Variants in MAP3K1 observed in about 807,000 individuals in gnomAD.
MAP3K1 encodes mitogen-activated protein kinase kinase kinase 1.
In MAP3K1, 36 loss-of-function variants were observed where a neutral mutation model predicts 144.2. The ratio of observed to expected loss-of-function variants is 0.25; its 90% confidence interval spans 0.19 to 0.33. MAP3K1 has a LOEUF of 0.33. Ranked by LOEUF, MAP3K1 falls within the 10% of genes least tolerant of loss-of-function variation. MAP3K1 has a pLI of 1.00. For synonymous variants in MAP3K1, 718 were observed against 688.7 expected, an observed-to-expected ratio of 1.04 and a Z score of -0.67; for missense variants, 1,650 against 1,881.9, an observed-to-expected ratio of 0.88 and a Z score of 2.28.
intron 10 of MAP3K1, 71 bp from the exon 11 acceptor site, chr5:56,878,899 GCTCAAATTGT>G: frequency 7.9e-7 from 1 of 1,258,688 alleles, no homozygotes; most frequent in Non-Finnish European, 1.2e-6. Flanking sequence ...TTATTTTGTT[GCTCAAATTGT>G]CTCAAATTAG....
chr5:56,824,814 TATC>T (rs1746260711), intron 1 of MAP3K1, among the ~76,000 whole-genome samples: 1 of 151,784 alleles, frequency 6.6e-6, no homozygotes, highest in African/African-American at 2.4e-5. Context: ...TCTTATCTAT[TATC>T]TGTGTGGAGA....
intron 1 of MAP3K1, among the ~76,000 whole-genome samples, chr5:56,833,666 G>A (rs1746563903): frequency 1.3e-5 from 2 of 152,170 alleles, no homozygotes. Flanking sequence ...GGCGGGGAAA[G>A]CTGGTTTTCA....
rs141730487 is a variant in MAP3K1, at chr5:56,862,880, A to G, written c.835-1854A>G. On this transcript the variant is annotated intron_variant, in intron 3 of 19. Coordinates refer to ENST00000399503, the MANE Select transcript of MAP3K1 (RefSeq NM_005921.2). ...TTTAGATTGTACAATTCAGTGTTTT[A>G]TAGTATATTCACAGGGTTGTGTAGC... is the stretch of plus-strand genomic sequence containing the variant. Among the ~76,000 whole-genome samples the G allele has an allele frequency of 3.7e-3, 570 of 152,288 alleles. 7 individuals carry two copies. Among genetic ancestry groups the G allele is most frequent in the African/African-American group, 0.013 (533 of 41,554 alleles).
Position 56,875,015 on chromosome 5 carries a change from G to T in MAP3K1, c.1687-17G>T, listed in dbSNP as rs767125227. 6.2e-7 allele frequency: 1 copy of T among 1,613,700 alleles called. No homozygotes were observed. Among genetic ancestry groups the T allele is most frequent in the Non-Finnish European group, 8.5e-7 (1 of 1,179,730 alleles). On this transcript the variant is annotated splice_polypyrimidine_tract_variant and intron_variant, in intron 9 of 19. Transcript: ENST00000399503. ...AGCTTTTCTTTACATTGAATTCATC[G>T]TGTGTGTTTGATACAGGTGTTTGGA... is the stretch of plus-strand genomic sequence containing the variant.
chr5:56,857,930 G>T (rs1747388263), intron 2 of MAP3K1, among the ~76,000 whole-genome samples: 1 of 152,114 alleles, frequency 6.6e-6, no homozygotes, highest in African/African-American at 2.4e-5. Context: ...ACCAGCACTT[G>T]GTAAGTTATT....
At chr5:56,817,024 G>A (rs1014716255) in intron 1 of MAP3K1, 11 of 983,240 alleles carry the variant, frequency 1.1e-5, no homozygotes, top group Middle Eastern at 5.2e-4. Context: ...CGGTGCCCTG[G>A]CGCGGGCCGC....
chr5:56,843,444 C>T (rs543449305), intron 1 of MAP3K1, among the ~76,000 whole-genome samples: 18 of 152,318 alleles, frequency 1.2e-4, no homozygotes, highest in African/African-American at 4.1e-4. Flanking sequence ...GAGAACCATT[C>T]CCCAGGCCCA....
intron 1 of MAP3K1, among the ~76,000 whole-genome samples, chr5:56,839,659 C>A (rs1405715065): frequency 5.9e-5 from 9 of 152,110 alleles, no homozygotes; most frequent in Admixed American, 5.9e-4. Context: ...TTTGCATACT[C>A]CCCCCATCTC....
At chr5:56,830,505 G>A (rs1746453626) in intron 1 of MAP3K1, among the ~76,000 whole-genome samples, 1 of 152,136 alleles carries the variant, frequency 6.6e-6, no homozygotes, top group Admixed American at 6.5e-5. Context: ...GGGACTTGGT[G>A]TTCCAGGTTC....
intron 1 of MAP3K1, 78 bp downstream of exon 1, chr5:56,816,133 A>C (rs2111729476): frequency 1.7e-6 from 2 of 1,154,430 alleles, no homozygotes; most frequent in Non-Finnish European, 2.1e-6. Flanking sequence ...GGCACCATGC[A>C]CGGCGTCCCG....
chr5:56,889,528 A>G (rs1480160441), intron 19 of MAP3K1, among the ~76,000 whole-genome samples: 1 of 152,022 alleles, frequency 6.6e-6, no homozygotes, highest in African/African-American at 2.4e-5. Flanking sequence ...TGCCTTTCCT[A>G]CTTTTTTATA....
chr5:56,851,095 C>T (rs146756553), intron 1 of MAP3K1, among the ~76,000 whole-genome samples: 56 of 138,734 alleles, frequency 4.0e-4, no homozygotes, highest in African/African-American at 1.3e-3. Flanking sequence ...TACAGGCATG[C>T]GCCACTATGC....
rs567132417 is a variant in MAP3K1 at position 56,877,491 on chromosome 5, T to C, written c.1966-1489T>C. On this transcript the variant is annotated intron_variant, in intron 10 of 19. Transcript: ENST00000399503. Reference sequence around the variant, plus strand: ...TCTCCCCTTCCTCTGTCTCTTCCTTTTTTTCCTCTCCCTCCCTCTGCATAT... The same window carrying C: ...TCTCCCCTTCCTCTGTCTCTTCCTTCTTTTCCTCTCCCTCCCTCTGCATAT... Among the ~76,000 whole-genome samples the C allele has an allele frequency of 4.0e-5, 6 of 150,520 alleles. No homozygotes were observed. The South Asian group carries it at 1.3e-3, about 32-fold the overall frequency.
intron 10 of MAP3K1, among the ~76,000 whole-genome samples, chr5:56,875,575 A>T (rs1037236745): frequency 6.6e-6 from 1 of 152,074 alleles, no homozygotes; most frequent in African/African-American, 2.4e-5. Flanking sequence ...TATCCAAGGG[A>T]GAGAATATAG....
intron 2 of MAP3K1, 50 bp from the exon 3 acceptor site, chr5:56,859,665 T>C: frequency 7.3e-7 from 1 of 1,361,474 alleles, no homozygotes. Context: ...TTACATTTAC[T>C]TACCTTTTAT....
chr5:56,869,928 C>T (rs113404794), intron 6 of MAP3K1, among the ~76,000 whole-genome samples: 3,356 of 152,248 alleles, frequency 0.022, 123 homozygotes, highest in African/African-American at 0.077. Context: ...GCAGGTACAT[C>T]AGGAGGGACA....
At chr5:56,876,293 C>T (rs997295417) in intron 10 of MAP3K1, among the ~76,000 whole-genome samples, 1 of 149,230 alleles carries the variant, frequency 6.7e-6, no homozygotes, top group Admixed American at 6.7e-5. Flanking sequence ...GTTATGACAA[C>T]CAAGAATGTC....
At chr5:56,876,096 C>A (rs1434788640) in intron 10 of MAP3K1, among the ~76,000 whole-genome samples, 1 of 147,586 alleles carries the variant, frequency 6.8e-6, no homozygotes, top group Admixed American at 7.1e-5. Context: ...ACTGGACTTT[C>A]TCCATTCTGC....
intron 3 of MAP3K1, among the ~76,000 whole-genome samples, chr5:56,861,282 A>G (rs1388949974): frequency 2.6e-5 from 4 of 152,118 alleles, no homozygotes; most frequent in Non-Finnish European, 4.4e-5. Flanking sequence ...AAGAATATTC[A>G]TCATTATTTG....
Sources: gnomAD v4.1 joint callset for allele counts (sites outside exome capture counted in the v4.1 genomes callset) on GRCh38, gnomAD v4.1.1 for gene constraint, MANE v1.5 for transcripts, NCBI Gene and HGNC (gene_info 2026-07-23, HGNC 2026-07-21) for gene names.